Variants in AK9 observed in about 807,000 individuals in gnomAD.
AK9 encodes the protein adenylate kinase domain containing 1.
AK9 carries 191 observed loss-of-function variants against 239.6 expected under a neutral mutation model. The ratio of observed to expected loss-of-function variants is 0.80; its 90% CI spans 0.71 to 0.90. The LOEUF (loss-of-function observed/expected upper bound fraction) is 0.90. Ranked by LOEUF, AK9 falls within the 40% of genes least tolerant of loss-of-function variation. AK9 has a pLI of 0.00. For synonymous variants in AK9, 689 were observed against 721.0 expected, an observed-to-expected ratio of 0.96 and a Z score of 0.71; for missense variants, 1,995 against 2,214.7, an observed-to-expected ratio of 0.90 and a Z score of 1.99.
At chr6:109,663,690 T>C (rs1019318411) in intron 5 of AK9, among the ~76,000 whole-genome samples, 5 of 152,308 alleles carry the variant, frequency 3.3e-5, no homozygotes, top group African/African-American at 1.2e-4. Context: ...AAATGACCAA[T>C]GCATGGTGCC....
At chr6:109,685,436 G>T (rs2128362626) in intron 1 of AK9, among the ~76,000 whole-genome samples, 1 of 152,280 alleles carries the variant, frequency 6.6e-6, no homozygotes. Flanking sequence ...GCAGGGACAT[G>T]GATGAAGCTG....
At chr6:109,576,684 T>G (rs2128202057) in intron 20 of AK9, among the ~76,000 whole-genome samples, 1 of 152,190 alleles carries the variant, frequency 6.6e-6, no homozygotes, top group Middle Eastern at 3.4e-3. Context: ...TTTCTTTCTT[T>G]TGTCTGATTC....
chr6:109,564,025 G>A, intron 23 of AK9, 55 bp downstream of exon 23: 1 of 1,452,800 alleles, frequency 6.9e-7, no homozygotes, highest in Non-Finnish European at 9.3e-7. Context: ...GTTTCAAAAT[G>A]CTTCTAATAC....
At chr6:109,512,108 C>T (rs866282044) in intron 32 of AK9, among the ~76,000 whole-genome samples, 1 of 152,196 alleles carries the variant, frequency 6.6e-6, no homozygotes, top group South Asian at 2.1e-4. Flanking sequence ...GACAGAAGGT[C>T]AGCACAAGAT....
At chr6:109,618,540 A>T (rs1488852150) in intron 13 of AK9, among the ~76,000 whole-genome samples, 1 of 152,072 alleles carries the variant, frequency 6.6e-6, no homozygotes, top group East Asian at 1.9e-4. Flanking sequence ...TTTGGAAATG[A>T]GGGATCAAGT....
intron 21 of AK9, 147 bp from the exon 22 acceptor site, chr6:109,564,992 G>A (rs930187707): frequency 3.2e-5 from 17 of 528,018 alleles, no homozygotes; most frequent in South Asian, 1.3e-4. Flanking sequence ...GGGAAAGAAC[G>A]GCATAAGAAT....
At chr6:109,497,765 A>C (rs1271504710) in intron 37 of AK9, 31 bp downstream of exon 37, 7 of 1,599,952 alleles carry the variant, frequency 4.4e-6, no homozygotes, top group Non-Finnish European at 6.0e-6. Context: ...TAGCAATATC[A>C]TTCTATACTT....
intron 17 of AK9, among the ~76,000 whole-genome samples, chr6:109,598,925 G>T (rs1791489250): frequency 6.6e-6 from 1 of 151,868 alleles, no homozygotes; most frequent in Non-Finnish European, 1.5e-5. Context: ...GGGGTTGTTT[G>T]TTTTTTTCTT....
intron 17 of AK9, among the ~76,000 whole-genome samples, chr6:109,598,319 C>T (rs189083642): frequency 3.2e-3 from 487 of 150,568 alleles, no homozygotes; most frequent in African/African-American, 0.011. Context: ...TGAGAACATG[C>T]GGTGTTTGGT....
At chr6:109,629,584 T>C (rs182423601) in intron 12 of AK9, among the ~76,000 whole-genome samples, 2 of 152,288 alleles carry the variant, frequency 1.3e-5, no homozygotes, top group Admixed American at 1.3e-4. Flanking sequence ...ATTATAAATT[T>C]AAAATGTAGA....
At chr6:109,667,710 T>C (rs1170603474) in intron 5 of AK9, among the ~76,000 whole-genome samples, 3 of 152,244 alleles carry the variant, frequency 2.0e-5, no homozygotes, top group African/African-American at 4.8e-5. Flanking sequence ...GCTTCATCCA[T>C]GTACCTACAA....
At chr6:109,542,409 A>C (rs918241380) in intron 26 of AK9, among the ~76,000 whole-genome samples, 1 of 152,188 alleles carries the variant, frequency 6.6e-6, no homozygotes, top group Non-Finnish European at 1.5e-5. Context: ...AATAGCACAG[A>C]GGGAAACTAT....
intron 32 of AK9, among the ~76,000 whole-genome samples, chr6:109,512,283 C>T (rs548343580): frequency 1.3e-5 from 2 of 152,296 alleles, no homozygotes; most frequent in South Asian, 4.2e-4. Flanking sequence ...CAGGAAGTTA[C>T]CCTATGTGGT....
intron 29 of AK9, among the ~76,000 whole-genome samples, chr6:109,526,595 GT>G (rs1780546462): frequency 6.6e-6 from 1 of 152,110 alleles, no homozygotes; most frequent in Non-Finnish European, 1.5e-5. Flanking sequence ...GATTAGAGAA[GT>G]GACGGAAGAG....
intron 29 of AK9, chr6:109,527,787 C>T (rs1469162722): frequency 1.3e-5 from 2 of 151,804 alleles, no homozygotes; most frequent in African/African-American, 2.4e-5. Context: ...ATTGAATTTC[C>T]GAATGAAAAA....
chr6:109,633,510 C>G (rs1796364582), intron 10 of AK9, among the ~76,000 whole-genome samples, 187 bp from the exon 11 acceptor site: 1 of 152,052 alleles, frequency 6.6e-6, no homozygotes, highest in Admixed American at 6.6e-5. Flanking sequence ...CAGTGTAGAA[C>G]TAGTTTGAAC....
intron 1 of AK9, among the ~76,000 whole-genome samples, chr6:109,676,205 C>T (rs1202317812): frequency 4.0e-5 from 6 of 151,878 alleles, no homozygotes; most frequent in Non-Finnish European, 8.8e-5. Context: ...AAAACTTTTC[C>T]AAAAGTAATG....
At chr6:109,575,781 A>G (rs1787992611) in intron 20 of AK9, among the ~76,000 whole-genome samples, 2 of 152,112 alleles carry the variant, frequency 1.3e-5, no homozygotes, top group African/African-American at 4.8e-5. Context: ...ATCTTCTAGA[A>G]TTTTTATGGT....
chr6:109,677,399 T>C (rs1426822485), intron 1 of AK9, among the ~76,000 whole-genome samples: 1 of 152,178 alleles, frequency 6.6e-6, no homozygotes, highest in African/African-American at 2.4e-5. Context: ...ATATATCATG[T>C]GCACTAACTA....
Sources: gnomAD v4.1 joint callset for allele counts (sites outside exome capture counted in the v4.1 genomes callset) on GRCh38, gnomAD v4.1.1 for gene constraint, MANE v1.5 for transcripts, NCBI Gene and HGNC (gene_info 2026-07-23, HGNC 2026-07-21) for gene names.